Variants in PCDH11X observed in about 807,000 individuals in gnomAD.
PCDH11X encodes protocadherin 11 X-linked.
A neutral mutation model predicts 53.3 loss-of-function variants in PCDH11X; 18 were observed. The observed-to-expected ratio is 0.34, with a 90% confidence interval of 0.23 to 0.50. The LOEUF (loss-of-function observed/expected upper bound fraction) is 0.50. Ranked by LOEUF, PCDH11X falls within the 20% of genes least tolerant of loss-of-function variation. The pLI is 0.98. For synonymous variants in PCDH11X, 279 were observed against 393.3 expected, an observed-to-expected ratio of 0.71 and a Z score of 3.44; for missense variants, 570 against 1,032.4, an observed-to-expected ratio of 0.55 and a Z score of 6.14.
intron 10 of PCDH11X, among the ~76,000 whole-genome samples, chrX:92,528,531 G>T (rs1178022472): frequency 9.0e-6 from 1 of 111,368 alleles, no homozygotes; most frequent in African/African-American, 3.3e-5. Flanking sequence ...GACCTCAGGT[G>T]ATCCACCTGC....
At chrX:91,995,320 T>A (rs1455450036) in intron 6 of PCDH11X, among the ~76,000 whole-genome samples, 1 of 111,109 alleles carries the variant, frequency 9.0e-6, no homozygotes, top group Non-Finnish European at 1.9e-5. Context: ...TTTTATGAGT[T>A]ATATTTAAGT....
chrX:92,285,162 G>A (rs1408359491), intron 8 of PCDH11X, among the ~76,000 whole-genome samples: 1 of 108,317 alleles, frequency 9.2e-6, no homozygotes, highest in Non-Finnish European at 1.9e-5. Flanking sequence ...ATATTAGCAG[G>A]CAATATGATG....
intron 6 of PCDH11X, among the ~76,000 whole-genome samples, chrX:92,029,486 G>T (rs1447326783): frequency 9.0e-6 from 1 of 111,341 alleles, no homozygotes; most frequent in Non-Finnish European, 1.9e-5. Context: ...AGGAAATCAG[G>T]CATTTATAAT....
chrX:92,366,840 G>A (rs2070485440), intron 8 of PCDH11X, among the ~76,000 whole-genome samples: 2 of 108,513 alleles, frequency 1.8e-5, no homozygotes, highest in African/African-American at 6.7e-5. Flanking sequence ...TAATTTGATT[G>A]CACTGTGGTC....
intron 6 of PCDH11X, among the ~76,000 whole-genome samples, chrX:92,166,734 C>T (rs1184195026): frequency 9.2e-6 from 1 of 109,115 alleles, no homozygotes; most frequent in Non-Finnish European, 1.9e-5. Flanking sequence ...ATTGTTTCTA[C>T]AAAAATTTTA....
intron 6 of PCDH11X, among the ~76,000 whole-genome samples, chrX:92,066,746 C>T (rs4119316): frequency 2.0e-4 from 22 of 112,253 alleles, no homozygotes; most frequent in African/African-American, 6.5e-4. Context: ...TGGCGTCTTT[C>T]GGTTTTTCCA....
At chrX:92,029,494 A>G (rs751357358) in intron 6 of PCDH11X, among the ~76,000 whole-genome samples, 3 of 111,690 alleles carry the variant, frequency 2.7e-5, no homozygotes, top group Middle Eastern at 9.2e-3. Context: ...AGGCATTTAT[A>G]ATGAATATGA....
At chrX:92,247,064 T>C (rs777750480) in intron 7 of PCDH11X, among the ~76,000 whole-genome samples, 2 of 112,120 alleles carry the variant, frequency 1.8e-5, no homozygotes, top group South Asian at 7.4e-4. Flanking sequence ...ATAACACTTA[T>C]CTAGTAATTA....
chrX:92,220,316 A>C (rs887441748), intron 7 of PCDH11X, among the ~76,000 whole-genome samples: 4 of 83,946 alleles, frequency 4.8e-5, no homozygotes, highest in East Asian at 4.7e-4. Context: ...AAGGGCTAAT[A>C]TCTAGAATCT....
intron 10 of PCDH11X, among the ~76,000 whole-genome samples, chrX:92,602,759 C>CA (rs1390915197): frequency 2.2e-5 from 2 of 92,222 alleles, no homozygotes; most frequent in Admixed American, 1.2e-4. Flanking sequence ...TAAACAACAA[C>CA]AAAATCAAGT....
At position 92,103,001 on chromosome X, in the gene PCDH11X, G is replaced by A. The variant is rs759661931; in HGVS notation, c.3034-98374G>A. On this transcript the variant is annotated intron_variant, in intron 6 of 10. Transcript: ENST00000682573. ...GTGGGATGGGATATTGCCGTTGAGC[G>A]GGGTAAGGGTGATTAGGTTTTAATG... Among the ~76,000 whole-genome samples, 12 of 110,936 alleles carry A rather than the reference G, an allele frequency of 1.1e-4. No individual in the cohort carries two copies. In the East Asian group the frequency reaches 2.0e-3, roughly 19 times the overall value.
chrX:92,476,359 T>C (rs180899635), intron 10 of PCDH11X, among the ~76,000 whole-genome samples: 1 of 110,532 alleles, frequency 9.0e-6, no homozygotes, highest in Admixed American at 9.6e-5. Context: ...GTATGTTAAT[T>C]GCATTTTTCA....
At chrX:92,396,637 A>G (rs1166434466) in intron 9 of PCDH11X, among the ~76,000 whole-genome samples, 1 of 107,126 alleles carries the variant, frequency 9.3e-6, no homozygotes, top group Non-Finnish European at 1.9e-5. Flanking sequence ...TGAGGTCAGT[A>G]GTTCAAGACC....
intron 8 of PCDH11X, among the ~76,000 whole-genome samples, chrX:92,319,006 T>C (rs1375500095): frequency 1.8e-4 from 20 of 112,435 alleles, no homozygotes; most frequent in African/African-American, 6.5e-4. Context: ...TGTTACTTTA[T>C]TCAAATAATG....
At chrX:91,933,873 A>T (rs112696371) in intron 6 of PCDH11X, among the ~76,000 whole-genome samples, 1,885 of 110,029 alleles carry the variant, frequency 0.017, 35 homozygotes, top group African/African-American at 0.058. Flanking sequence ...CTAGTAAAAA[A>T]AGTAATAACA....
chrX:92,102,334 G>A (rs1471160886), intron 6 of PCDH11X, among the ~76,000 whole-genome samples: 2 of 111,122 alleles, frequency 1.8e-5, no homozygotes, highest in Non-Finnish European at 3.8e-5. Flanking sequence ...GCCTCTGTAC[G>A]CAGACCTGAG....
chrX:92,257,575 T>C (rs141190006), intron 7 of PCDH11X, among the ~76,000 whole-genome samples: 41 of 112,248 alleles, frequency 3.7e-4, no homozygotes, highest in African/African-American at 1.2e-3. Flanking sequence ...CTTACAGACA[T>C]TGGGTAAATA....
intron 7 of PCDH11X, among the ~76,000 whole-genome samples, chrX:92,247,404 C>T (rs961399179): frequency 1.8e-5 from 2 of 111,870 alleles, no homozygotes; most frequent in Non-Finnish European, 3.8e-5. Context: ...TGACTAGCTT[C>T]CTCTTTTCCT....
At chrX:92,143,627 T>C (rs764991913) in intron 6 of PCDH11X, among the ~76,000 whole-genome samples, 137 of 112,493 alleles carry the variant, frequency 1.2e-3, no homozygotes, top group Non-Finnish European at 1.7e-3. Context: ...ATGGAAACAC[T>C]TGGATGCCCA....
Sources: allele counts gnomAD v4.1 joint callset (sites outside exome capture counted in the v4.1 genomes callset), GRCh38; gene constraint gnomAD v4.1.1; transcripts MANE v1.5; gene names NCBI Gene and HGNC (gene_info 2026-07-23, HGNC 2026-07-21).